The following NAV1 variants were observed in gnomAD, a reference collection of about 807,000 sequenced individuals.
NAV1 encodes the protein pore membrane and/or filament interacting like protein 3.
NAV1 carries 18 observed loss-of-function variants against 175.2 expected under a neutral mutation model. The ratio of observed to expected loss-of-function variants is 0.10; its 90% CI spans 0.07 to 0.15. The LOEUF is 0.15. NAV1 is among the 10% of genes least tolerant of loss of function. The pLI is 1.00. For missense variants in NAV1, 1,731 were observed against 2,436.6 expected, an observed-to-expected ratio of 0.71 and a Z score of 6.10; for synonymous variants, 897 against 978.7, an observed-to-expected ratio of 0.92 and a Z score of 1.56.
chr1:201,691,644 C>G (rs984475286), intron 1 of NAV1, among the ~76,000 whole-genome samples: 2 of 152,206 alleles, frequency 1.3e-5, no homozygotes, highest in South Asian at 4.1e-4. Flanking sequence ...AGTCCCTGTT[C>G]CATGGATAAG....
intron 17 of NAV1, among the ~76,000 whole-genome samples, chr1:201,805,641 G>A (rs999230704): frequency 6.6e-6 from 1 of 152,190 alleles, no homozygotes; most frequent in African/African-American, 2.4e-5. Context: ...TGATACCATT[G>A]ACTGGGCACA....
chr1:201,696,907 C>T (rs993748258), intron 1 of NAV1, among the ~76,000 whole-genome samples: 2 of 152,196 alleles, frequency 1.3e-5, no homozygotes, highest in East Asian at 1.9e-4. Context: ...CCATGCCTGG[C>T]GCACACTCGG....
At chr1:201,669,385 A>G (rs1669949447) in intron 1 of NAV1, among the ~76,000 whole-genome samples, 1 of 152,138 alleles carries the variant, frequency 6.6e-6, no homozygotes, top group African/African-American at 2.4e-5. Flanking sequence ...GCAGAGGGAC[A>G]GTATGTGTCA....
chr1:201,572,923 G>A (rs1666589344), intron 1 of NAV1, among the ~76,000 whole-genome samples: 1 of 152,128 alleles, frequency 6.6e-6, no homozygotes, highest in African/African-American at 2.4e-5. Context: ...CTCCCATGCT[G>A]TCCAACCCTG....
chr1:201,746,090 A>C (rs1673752491), intron 3 of NAV1, among the ~76,000 whole-genome samples: 1 of 151,988 alleles, frequency 6.6e-6, no homozygotes, highest in African/African-American at 2.4e-5. Flanking sequence ...AGCCTCCCAA[A>C]CTGCTGGGAC....
At chr1:201,572,219 G>T (rs1484227251) in intron 1 of NAV1, among the ~76,000 whole-genome samples, 1 of 152,142 alleles carries the variant, frequency 6.6e-6, no homozygotes, top group Non-Finnish European at 1.5e-5. Flanking sequence ...AGCATGGTGG[G>T]CTTCTGCAGG....
chr1:201,617,209 T>C (rs998614829), intron 2 of NAV1, among the ~76,000 whole-genome samples: 1 of 69,280 alleles, frequency 1.4e-5, no homozygotes, highest in Non-Finnish European at 2.3e-5. Context: ...TCTCTCTGTC[T>C]CTCTCTCTCT....
At chr1:201,803,948 C>A (rs924847378) in intron 16 of NAV1, 1 of 559,850 alleles carries the variant, frequency 1.8e-6, no homozygotes, top group Non-Finnish European at 3.3e-6. Context: ...TTTCTTTGGG[C>A]TCTCCATACT....
intron 1 of NAV1, among the ~76,000 whole-genome samples, chr1:201,658,747 G>A (rs374060874): frequency 1.3e-5 from 2 of 152,168 alleles, no homozygotes; most frequent in South Asian, 4.1e-4. Context: ...GTTGCTGATC[G>A]ATGAGATCAG....
intron 1 of NAV1, among the ~76,000 whole-genome samples, chr1:201,580,239 A>G (rs1184288366): frequency 1.3e-5 from 2 of 152,212 alleles, no homozygotes; most frequent in East Asian, 1.9e-4. Flanking sequence ...TCAAATGCCA[A>G]TCTCTTCTGG....
chr1:201,717,597 C>A (rs1470805125), intron 2 of NAV1, among the ~76,000 whole-genome samples: 1 of 152,242 alleles, frequency 6.6e-6, no homozygotes, highest in Non-Finnish European at 1.5e-5. Flanking sequence ...TCTAGCAGGG[C>A]CTGAGGCTTG....
Position 201,568,602 on chromosome 1 carries a change from G to A in NAV1, c.-143-19937G>A, listed in dbSNP as rs573450733. The stretch of plus-strand genomic sequence containing the variant: ...TTGATACCGACTGTGGCAATTAGGC[G>A]TGTTGTTTTACCTCCTTGGGCCTCA... On this transcript the variant is annotated intron_variant, in intron 1 of 33. Coordinates refer to the NAV1 transcript ENST00000685211. 2.0e-5 allele frequency among the ~76,000 whole-genome samples: 3 copies of A among 152,274 alleles called. No individual in the cohort carries two copies. The East Asian group carries it at 5.8e-4, about 29-fold the overall frequency.
Position 201,788,868 on chromosome 1 carries a change from G to T in NAV1, c.3166+230G>T, listed in dbSNP as rs1185227312. 1.3e-5 allele frequency among the ~76,000 whole-genome samples: 2 copies of T among 152,178 alleles called. No individual in the cohort carries two copies. Among genetic ancestry groups the T allele is most frequent in the Non-Finnish European group, 2.9e-5 (2 of 68,040 alleles). On this transcript the variant is annotated intron_variant, in intron 10 of 29. Transcript: ENST00000367296. The surrounding 1 kb of genome is among the most constrained non-coding windows in gnomAD (Gnocchi z 5.7). ...TTGGGATGGAGCATCCATCACTGGG[G>T]CTGGGGGAGGGAAATTGAGCATGGA... is the stretch of plus-strand genomic sequence containing the variant.
chr1:201,693,040 T>C (rs1370038130), intron 1 of NAV1, among the ~76,000 whole-genome samples: 1 of 152,204 alleles, frequency 6.6e-6, no homozygotes, highest in South Asian at 2.1e-4. Flanking sequence ...CCTGTCCATC[T>C]CTTAACCAGA....
At position 201,782,327 on chromosome 1, in the gene NAV1, T is replaced by A; in HGVS notation, c.1815T>A (p.Phe605Leu). Residue 605 changes from phenylalanine (F) to leucine (L), a missense_variant, in exon 6 of 30, where the codon TTT becomes TTA. This residue lies in a region of NAV1 where 634 missense variants were observed against 766.8 expected (regional missense o/e 0.83). Transcript: ENST00000367296. The surrounding 1 kb of genome is among the most constrained non-coding windows in gnomAD (Gnocchi z 5.4). ...CTCGCCCCTCCACTTCGGGATCCTT[T>A]GGCTACAAGAAGCCTCCTCCTGCCA... 1 of 1,614,152 alleles carries A rather than the reference T, an allele frequency of 6.2e-7. No individual in the cohort carries two copies. The highest frequency in any genetic ancestry group is 8.5e-7 in the Non-Finnish European group (1 of 1,180,032).
chr1:201,731,392 G>A (rs1672854566), intron 3 of NAV1, among the ~76,000 whole-genome samples: 1 of 152,120 alleles, frequency 6.6e-6, no homozygotes, highest in Non-Finnish European at 1.5e-5. Flanking sequence ...TGTCTGAGAG[G>A]TGGAGGGACC....
chr1:201,665,590 A>ACCCCCCCCCCCCCCCCCCCC (rs3053790), intron 1 of NAV1, among the ~76,000 whole-genome samples: 1 of 128,534 alleles, frequency 7.8e-6, no homozygotes, highest in Non-Finnish European at 1.6e-5. Flanking sequence ...AGAGCACCCC[A>ACCCCCCCCCCCCCCCCCCCC]CCCCCCCCAC....
chr1:201,597,333 C>A (rs1376430688), intron 2 of NAV1, among the ~76,000 whole-genome samples: 3 of 152,226 alleles, frequency 2.0e-5, no homozygotes, highest in Non-Finnish European at 4.4e-5. Context: ...AGGCACCCAG[C>A]ATTTCTCAGG....
intron 2 of NAV1, among the ~76,000 whole-genome samples, chr1:201,642,243 T>G (rs895057455): frequency 1.4e-5 from 2 of 146,970 alleles, no homozygotes; most frequent in Admixed American, 1.4e-4. Flanking sequence ...CTCGGAGTCT[T>G]GGTCTGTCGC....
Sources: gnomAD v4.1 joint callset for allele counts (sites outside exome capture counted in the v4.1 genomes callset) on GRCh38, gnomAD v4.1.1 for gene constraint, gnomAD v4.1.1 regional missense constraint, Gnocchi (gnomAD v3.1) non-coding constraint, MANE v1.5 for transcripts, NCBI Gene and HGNC (gene_info 2026-07-23, HGNC 2026-07-21) for gene names.